Variants in PCDHGA3 observed in about 807,000 individuals in gnomAD.
PCDHGA3 encodes protocadherin gamma-A3.
A neutral mutation model predicts 58.5 loss-of-function variants in PCDHGA3; 40 were observed. The ratio of observed to expected loss-of-function variants is 0.68; its 90% CI spans 0.53 to 0.89. The LOEUF is 0.89. PCDHGA3 is among the 40% of genes least tolerant of loss of function. PCDHGA3 has a pLI of 0.00. For synonymous variants in PCDHGA3, 530 were observed against 525.7 expected, an observed-to-expected ratio of 1.01 and a Z score of -0.11; for missense variants, 1,223 against 1,195.9, an observed-to-expected ratio of 1.02 and a Z score of -0.33.
chr5:141,395,055 G>T, intron 1 of PCDHGA3: 1 of 1,614,178 alleles, frequency 6.2e-7, no homozygotes, highest in African/African-American at 1.3e-5. Context: ...GGAGGTACAG[G>T]CTTTCCTGCA....
At chr5:141,352,367 G>C in intron 1 of PCDHGA3, 1 of 1,614,060 alleles carries the variant, frequency 6.2e-7, no homozygotes, top group Non-Finnish European at 8.5e-7. Flanking sequence ...TCTCCTCGCG[G>C]TGATTCTAGC....
At chr5:141,405,173 G>A (rs774181376) in intron 1 of PCDHGA3, 1 of 1,614,122 alleles carries the variant, frequency 6.2e-7, no homozygotes, top group Non-Finnish European at 8.5e-7. Context: ...CTCACACTTT[G>A]TGGGTGTAGA....
At chr5:141,427,845 G>C in intron 1 of PCDHGA3, 1 of 1,550,582 alleles carries the variant, frequency 6.4e-7, no homozygotes, top group Non-Finnish European at 8.8e-7. Context: ...CTTCGACCAC[G>C]AGCAGCTGTG....
At chr5:141,472,884 G>A (rs1426207609) in intron 1 of PCDHGA3, among the ~76,000 whole-genome samples, 2 of 151,610 alleles carry the variant, frequency 1.3e-5, no homozygotes, top group African/African-American at 4.8e-5. Flanking sequence ...TACTCGGGAG[G>A]CTGAGGCAGG....
At chr5:141,419,770 G>C in intron 1 of PCDHGA3, 1 of 1,614,006 alleles carries the variant, frequency 6.2e-7, no homozygotes, top group Non-Finnish European at 8.5e-7. Context: ...ACAAGGACTC[G>C]GTCCGCCAGC....
At chr5:141,413,729 G>C (rs2095671676) in intron 1 of PCDHGA3, 1 of 1,613,378 alleles carries the variant, frequency 6.2e-7, no homozygotes, top group Non-Finnish European at 8.5e-7. Flanking sequence ...TTCTCCCTAA[G>C]AGTTCAGAGC....
chr5:141,475,761 T>C (rs1430719406), intron 1 of PCDHGA3, among the ~76,000 whole-genome samples: 3 of 152,248 alleles, frequency 2.0e-5, no homozygotes, highest in Admixed American at 6.5e-5. Flanking sequence ...GCACCGATAC[T>C]GGCAAGGCGC....
At chr5:141,433,082 T>C in intron 1 of PCDHGA3, 1 of 1,614,188 alleles carries the variant, frequency 6.2e-7, no homozygotes. Flanking sequence ...CCAGCCCAAC[T>C]ATGCAGACAT....
At chr5:141,355,771 T>C (rs1160027293) in intron 1 of PCDHGA3, 3 of 1,613,870 alleles carry the variant, frequency 1.9e-6, no homozygotes, top group Non-Finnish European at 2.5e-6. Context: ...TGGGATTAAG[T>C]ACCCAGAGCT....
At position 141,486,927 on chromosome 5, in the gene PCDHGA3, G is replaced by T. The variant is rs2099637231; in HGVS notation, c.2425-7880G>T. On this transcript the variant is annotated intron_variant, in intron 1 of 3. Transcript: ENST00000253812. The surrounding 1 kb of genome is among the most constrained non-coding windows in gnomAD (Gnocchi z 5.0). ...CCCCAAGCACTGCCTCCATCAGTTG[G>T]TGCTGGCCACCTAATCACAAAGGTG... 1 of 1,614,108 alleles carries T rather than the reference G, an allele frequency of 6.2e-7. No homozygotes were observed. Among genetic ancestry groups the T allele is most frequent in the Non-Finnish European group, 8.5e-7 (1 of 1,180,054 alleles).
At chr5:141,434,497 G>A (rs986672351) in intron 1 of PCDHGA3, among the ~76,000 whole-genome samples, 2 of 152,214 alleles carry the variant, frequency 1.3e-5, no homozygotes, top group African/African-American at 4.8e-5. Context: ...CCCGCCCAGG[G>A]CAGAAAACTG....
At chr5:141,351,989 G>A (rs761825346) in intron 1 of PCDHGA3, 1 of 1,611,288 alleles carries the variant, frequency 6.2e-7, no homozygotes, top group Admixed American at 1.7e-5. Context: ...GGTGCCACGC[G>A]CCGCAGAGCC....
chr5:141,403,533 T>G (rs1307203985), intron 1 of PCDHGA3: 2 of 1,613,992 alleles, frequency 1.2e-6, no homozygotes, highest in African/African-American at 2.7e-5. Flanking sequence ...AACCCAGAGC[T>G]GGTGCTGGAG....
chr5:141,390,297 G>C, intron 1 of PCDHGA3: 2 of 1,613,826 alleles, frequency 1.2e-6, no homozygotes, highest in Non-Finnish European at 1.7e-6. Context: ...TTTCCTTTAA[G>C]TATAATTTAA....
At chr5:141,388,794 A>G (rs879026266) in intron 1 of PCDHGA3, 1 of 1,613,898 alleles carries the variant, frequency 6.2e-7, no homozygotes, top group Non-Finnish European at 8.5e-7. Context: ...TGTTTTAAAT[A>G]CATTAGATTT....
rs202040451 is a variant in PCDHGA3, at chr5:141,382,987, C to A, written c.2424+36530C>A. The A allele has an allele frequency of 1.5e-4, 247 of 1,613,278 alleles. 1 individual carries two copies. The East Asian group carries it at 4.5e-3, about 30-fold the overall frequency. On this transcript the variant is annotated intron_variant, in intron 1 of 3. Transcript: ENST00000253812. ...GACCCCCTGGGAAGCCTGGGCAGGA[C>A]GTATTCTCTACTCCGTGTCGGAGGA...
At chr5:141,366,402 T>C (rs1465149203) in intron 1 of PCDHGA3, 12 of 1,614,168 alleles carry the variant, frequency 7.4e-6, no homozygotes, top group Non-Finnish European at 1.0e-5. Flanking sequence ...GACCTCACAC[T>C]CTATCTTGTG....
rs866878519 is a variant in PCDHGA3, at chr5:141,486,035, C to A, written c.2425-8772C>A. ...TTATTTCAGTGGTCATACCCCTGAT[C>A]GTGTAAGAAACCTCTTTAGCCTGCA... is the stretch of plus-strand genomic sequence containing the variant. On this transcript the variant is annotated intron_variant, in intron 1 of 3. Coordinates refer to ENST00000253812, the MANE Select transcript of PCDHGA3 (RefSeq NM_018916.4). This position sits in a 1 kb window ranked among gnomAD's most constrained non-coding sequence, Gnocchi z 5.0. The A allele has an allele frequency of 1.9e-6, 3 of 1,614,100 alleles. No homozygotes were observed. The East Asian group carries it at 6.7e-5, about 36-fold the overall frequency.
chr5:141,393,073 C>T, intron 1 of PCDHGA3: 1 of 1,613,658 alleles, frequency 6.2e-7, no homozygotes. Context: ...TTGATCACCG[C>T]GGGCAGGATA....
Sources: allele counts gnomAD v4.1 joint callset (sites outside exome capture counted in the v4.1 genomes callset), GRCh38; gene constraint gnomAD v4.1.1; non-coding constraint Gnocchi (gnomAD v3.1); transcripts MANE v1.5; gene names NCBI Gene and HGNC (gene_info 2026-07-23, HGNC 2026-07-21).